Variants in WWTR1 observed in about 807,000 individuals in gnomAD.
WWTR1 encodes WW domain containing transcription regulator 1, also known as WW domain-containing transcription regulator protein 1.
Under a neutral mutation model 40.1 loss-of-function variants are expected in WWTR1, and 13 were observed. The ratio of observed to expected loss-of-function variants is 0.32; its 90% CI spans 0.21 to 0.52. WWTR1 has a LOEUF of 0.52. WWTR1 is among the 20% of genes least tolerant of loss of function. WWTR1 has a pLI of 0.97. For synonymous variants in WWTR1, 230 were observed against 210.1 expected, an observed-to-expected ratio of 1.09 and a Z score of -0.82; for missense variants, 436 against 523.1, an observed-to-expected ratio of 0.83 and a Z score of 1.63.
chr3:149,663,729 A>G (rs1713686013), intron 2 of WWTR1, among the ~76,000 whole-genome samples: 1 of 152,072 alleles, frequency 6.6e-6, no homozygotes, highest in Non-Finnish European at 1.5e-5. Context: ...CGCTCCTAAG[A>G]AGGCCACAAT....
intron 2 of WWTR1, among the ~76,000 whole-genome samples, chr3:149,598,741 T>C (rs1739113587): frequency 6.6e-6 from 1 of 152,220 alleles, no homozygotes; most frequent in Non-Finnish European, 1.5e-5. Flanking sequence ...TTCCTTACTG[T>C]TAGATATTTA....
intron 1 of WWTR1, among the ~76,000 whole-genome samples, chr3:149,701,173 A>G (rs200784557): frequency 6.6e-6 from 1 of 152,158 alleles, no homozygotes; most frequent in East Asian, 1.9e-4. Flanking sequence ...ATATGTAGTA[A>G]CATTATAATT....
intron 1 of WWTR1, among the ~76,000 whole-genome samples, chr3:149,691,841 C>T (rs1167717117): frequency 6.6e-6 from 1 of 151,972 alleles, no homozygotes; most frequent in Non-Finnish European, 1.5e-5. Context: ...ACGGTGAAAC[C>T]CCGTCTCTAC....
At chr3:149,571,256 G>T (rs1438654929) in intron 3 of WWTR1, among the ~76,000 whole-genome samples, 1 of 99,820 alleles carries the variant, frequency 1.0e-5, no homozygotes, top group Non-Finnish European at 2.0e-5. Context: ...GTTCATGAAA[G>T]ATTTTTTTCC....
intron 1 of WWTR1, among the ~76,000 whole-genome samples, chr3:149,689,418 A>C (rs1388058729): frequency 4.0e-5 from 6 of 150,484 alleles, no homozygotes; most frequent in African/African-American, 1.5e-4. Context: ...AAGACAGAAA[A>C]AAAAAAAGAA....
chr3:149,602,985 G>GATAAATAAATAA (rs10573108), intron 2 of WWTR1, among the ~76,000 whole-genome samples: 23 of 151,628 alleles, frequency 1.5e-4, no homozygotes, highest in African/African-American at 5.3e-4. Context: ...TAAAGCCAAA[G>GATAAATAAATAA]ATAAATAAAT....
At chr3:149,669,444 C>T (rs1196473815) in intron 2 of WWTR1, among the ~76,000 whole-genome samples, 1 of 152,218 alleles carries the variant, frequency 6.6e-6, no homozygotes, top group East Asian at 1.9e-4. Flanking sequence ...AATTTCCATT[C>T]TTCTAGAAAT....
At chr3:149,526,161 C>A in intron 5 of WWTR1, 36 bp from the exon 6 acceptor site, 1 of 1,461,498 alleles carries the variant, frequency 6.8e-7, no homozygotes, top group South Asian at 1.3e-5. Context: ...TCAATATGAG[C>A]CCACTAAATA....
chr3:149,706,500 T>C (rs1576648053), upstream of WWTR1, among the ~76,000 whole-genome samples: 1 of 152,120 alleles, frequency 6.6e-6, no homozygotes, highest in African/African-American at 2.4e-5. Flanking sequence ...GTATTTTTAG[T>C]AGAGACAGGG....
intron 6 of WWTR1, 98 bp downstream of exon 6, chr3:149,525,915 T>A: frequency 2.9e-6 from 2 of 686,014 alleles, no homozygotes; most frequent in Non-Finnish European, 4.3e-6. Context: ...AAGTTGAAAT[T>A]ATAAAAATAA....
intron 2 of WWTR1, among the ~76,000 whole-genome samples, chr3:149,639,213 A>AT (rs1712014126): frequency 6.6e-6 from 1 of 152,014 alleles, no homozygotes; most frequent in African/African-American, 2.4e-5. Context: ...CTTGGAAAAA[A>AT]ATATATATAT....
intron 1 of WWTR1, among the ~76,000 whole-genome samples, chr3:149,685,944 A>T (rs1176783117): frequency 1.3e-5 from 2 of 152,174 alleles, no homozygotes; most frequent in African/African-American, 2.4e-5. Flanking sequence ...TTAGTCCACA[A>T]TGCAAAAAAA....
intron 5 of WWTR1, among the ~76,000 whole-genome samples, chr3:149,527,326 TAGA>T (rs1735367371): frequency 6.6e-6 from 1 of 152,120 alleles, no homozygotes; most frequent in Admixed American, 6.6e-5. Context: ...TTTGTATTTT[TAGA>T]AGAGACAGGG....
At chr3:149,610,519 G>A (rs967188959) in intron 2 of WWTR1, among the ~76,000 whole-genome samples, 4 of 152,146 alleles carry the variant, frequency 2.6e-5, no homozygotes, top group Non-Finnish European at 4.4e-5. Flanking sequence ...GTTCAACACG[G>A]GTAAACAGTC....
intron 1 of WWTR1, among the ~76,000 whole-genome samples, chr3:149,675,804 C>T (rs1714240605): frequency 6.6e-6 from 1 of 151,926 alleles, no homozygotes; most frequent in Non-Finnish European, 1.5e-5. Flanking sequence ...GCAAGCTCTG[C>T]CTCCCAGGGG....
chr3:149,566,127 G>A (rs1006198862), intron 3 of WWTR1, among the ~76,000 whole-genome samples: 7 of 152,178 alleles, frequency 4.6e-5, no homozygotes, highest in Non-Finnish European at 7.4e-5. Flanking sequence ...CTAAGAGTTC[G>A]AGACCAGCCT....
At chr3:149,576,099 AAAC>A in intron 2 of WWTR1, 1 of 456,716 alleles carries the variant, frequency 2.2e-6, no homozygotes, top group South Asian at 1.5e-5. Context: ...CATTGCTCCA[AAAC>A]AACTCTGAGA....
At chr3:149,670,513 G>T (rs926209500) in intron 1 of WWTR1, among the ~76,000 whole-genome samples, 1 of 151,908 alleles carries the variant, frequency 6.6e-6, no homozygotes, top group Non-Finnish European at 1.5e-5. Flanking sequence ...ACCTGGTGGC[G>T]GACCCCTGTA....
chr3:149,536,887 G>A (rs983243805), intron 4 of WWTR1, among the ~76,000 whole-genome samples: 7 of 152,040 alleles, frequency 4.6e-5, no homozygotes, highest in Non-Finnish European at 1.0e-4. Flanking sequence ...CCACTTACTC[G>A]TCTTCCAGGT....
Sources: allele counts gnomAD v4.1 joint callset (sites outside exome capture counted in the v4.1 genomes callset), GRCh38; gene constraint gnomAD v4.1.1; transcripts MANE v1.5; gene names NCBI Gene and HGNC (gene_info 2026-07-23, HGNC 2026-07-21).